The following TRPM3 variants were observed in gnomAD, a reference collection of about 807,000 sequenced individuals.
TRPM3 encodes long transient receptor potential channel 3.
In TRPM3, 77 loss-of-function variants were observed where a neutral mutation model predicts 181.2. The ratio of observed to expected loss-of-function variants is 0.42; its 90% confidence interval spans 0.35 to 0.51. The LOEUF (loss-of-function observed/expected upper bound fraction) is 0.51, where lower values mean the gene tolerates loss of function less well. TRPM3 is among the 20% of genes least tolerant of loss of function. The pLI is 0.01. For missense variants in TRPM3, 1,759 were observed against 2,196.7 expected (o/e 0.80, Z 3.98); for synonymous variants, 745 against 796.4 (o/e 0.94, Z 1.09).
At chr9:71,341,181 G>A (rs2090937353) in intron 1 of TRPM3, among the ~76,000 whole-genome samples, 1 of 152,012 alleles carries the variant, frequency 6.6e-6, no homozygotes, top group Non-Finnish European at 1.5e-5. Context: ...ATTACCAGTG[G>A]GACACCACAG....
chr9:70,994,868 G>A (rs1820555548), intron 1 of TRPM3, among the ~76,000 whole-genome samples: 1 of 152,126 alleles, frequency 6.6e-6, no homozygotes, highest in Admixed American at 6.6e-5. Flanking sequence ...ATTTATCCCT[G>A]CTGATCAACT....
At chr9:70,882,714 G>A (rs2096015627) in intron 1 of TRPM3, among the ~76,000 whole-genome samples, 1 of 152,060 alleles carries the variant, frequency 6.6e-6, no homozygotes, top group Non-Finnish European at 1.5e-5. Context: ...GTTATTTTTA[G>A]CTAGAGCATA....
At chr9:71,239,076 A>C (rs566731538) in intron 1 of TRPM3, among the ~76,000 whole-genome samples, 13 of 152,194 alleles carry the variant, frequency 8.5e-5, no homozygotes, top group South Asian at 2.1e-4. Flanking sequence ...AAGAAGGAAA[A>C]AAACAAACAA....
intron 12 of TRPM3, among the ~76,000 whole-genome samples, chr9:70,628,105 A>G (rs2064995795): frequency 6.6e-6 from 1 of 152,234 alleles, no homozygotes; most frequent in Admixed American, 6.5e-5. Flanking sequence ...GGGCAGGCTA[A>G]CAAGGCCACA....
At chr9:71,410,724 T>C (rs1431802350) in intron 1 of TRPM3, among the ~76,000 whole-genome samples, 10 of 152,038 alleles carry the variant, frequency 6.6e-5, no homozygotes, top group African/African-American at 1.9e-4. Flanking sequence ...TTCCAATCAA[T>C]AGAAAAAGAG....
At chr9:71,251,936 C>T (rs1048178959) in intron 1 of TRPM3, among the ~76,000 whole-genome samples, 2 of 152,138 alleles carry the variant, frequency 1.3e-5, no homozygotes, top group Non-Finnish European at 2.9e-5. Flanking sequence ...TTAGTTCCCA[C>T]AAATAAGTAA....
At chr9:71,434,589 T>G (rs570991305) in intron 1 of TRPM3, among the ~76,000 whole-genome samples, 42 of 152,224 alleles carry the variant, frequency 2.8e-4, no homozygotes, top group Non-Finnish European at 4.8e-4. Flanking sequence ...CCATGAAGTT[T>G]TATAGTTTAA....
intron 1 of TRPM3, among the ~76,000 whole-genome samples, chr9:71,362,687 G>A (rs992074078): frequency 6.6e-6 from 1 of 152,076 alleles, no homozygotes; most frequent in Non-Finnish European, 1.5e-5. Flanking sequence ...CTGAACATAA[G>A]CGATAACAAT....
At chr9:70,878,790 A>G (rs2095922158) in intron 1 of TRPM3, among the ~76,000 whole-genome samples, 1 of 152,066 alleles carries the variant, frequency 6.6e-6, no homozygotes, top group Non-Finnish European at 1.5e-5. Flanking sequence ...AAGCATCAGT[A>G]GCATCTGAGA....
chr9:70,803,245 C>T (rs1443261846), intron 6 of TRPM3, among the ~76,000 whole-genome samples: 3 of 151,892 alleles, frequency 2.0e-5, no homozygotes, highest in Non-Finnish European at 4.4e-5. Flanking sequence ...CTACTTGGCC[C>T]GTCAGTAGCA....
intron 1 of TRPM3, among the ~76,000 whole-genome samples, chr9:70,976,763 C>T (rs1409101823): frequency 6.6e-6 from 1 of 152,104 alleles, no homozygotes; most frequent in Non-Finnish European, 1.5e-5. Flanking sequence ...AAATAATAGT[C>T]CCTATCTCAC....
intron 1 of TRPM3, among the ~76,000 whole-genome samples, chr9:71,420,102 C>A (rs1405010889): frequency 6.6e-6 from 1 of 151,898 alleles, no homozygotes; most frequent in Admixed American, 6.6e-5. Flanking sequence ...CCATTTTAAA[C>A]CTTCTTAAAC....
intron 11 of TRPM3, 22 bp from the exon 12 acceptor site, chr9:70,635,283 C>G: frequency 4.3e-6 from 7 of 1,612,798 alleles, no homozygotes; most frequent in Non-Finnish European, 5.9e-6. Flanking sequence ...AAAGAAGAAT[C>G]AAACAGTTTT....
At chr9:71,311,841 CAAG>C (rs1030050172) in intron 1 of TRPM3, among the ~76,000 whole-genome samples, 1 of 151,834 alleles carries the variant, frequency 6.6e-6, no homozygotes, top group African/African-American at 2.4e-5. Context: ...CACACACACA[CAAG>C]AAAATCTTAT....
intron 25 of TRPM3, among the ~76,000 whole-genome samples, chr9:70,541,553 C>T (rs2043361672): frequency 6.8e-6 from 1 of 147,792 alleles, no homozygotes; most frequent in Admixed American, 6.8e-5. Context: ...CTCTTGTTGC[C>T]CAGGCTGGAG....
intron 1 of TRPM3, among the ~76,000 whole-genome samples, chr9:71,332,055 T>C (rs2090229699): frequency 6.6e-6 from 1 of 150,596 alleles, no homozygotes; most frequent in Admixed American, 6.6e-5. Flanking sequence ...AAACACAGTA[T>C]GGTTAAGGAA....
rs148470448 is a variant in TRPM3 at position 71,011,991 on chromosome 9, C to T, written c.177+109187G>A. ...AGAGATAGGGTTTTGCCATGTTGCC[C>T]AGGTTGGTCTCGAATTCCTGGGCTC... On this transcript the variant is annotated intron_variant, in intron 1 of 25. Transcript: ENST00000677713. 8.5e-3 allele frequency among the ~76,000 whole-genome samples: 1,300 copies of T among 152,054 alleles called. 14 individuals carry two copies. The highest frequency in any genetic ancestry group is 0.029 in the African/African-American group (1,223 of 41,484).
chr9:70,920,812 A>T (rs1437122496), intron 1 of TRPM3, among the ~76,000 whole-genome samples: 1 of 152,258 alleles, frequency 6.6e-6, no homozygotes, highest in Non-Finnish European at 1.5e-5. Context: ...TTAACTGATC[A>T]TAATTTTAAC....
At chr9:71,417,751 T>G (rs2093658691) in intron 1 of TRPM3, among the ~76,000 whole-genome samples, 2 of 151,988 alleles carry the variant, frequency 1.3e-5, no homozygotes, top group South Asian at 2.1e-4. Flanking sequence ...GAAATACTCT[T>G]TCTAATAAAA....
Sources: allele counts gnomAD v4.1 joint callset (sites outside exome capture counted in the v4.1 genomes callset), GRCh38; gene constraint gnomAD v4.1.1; transcripts MANE v1.5; gene names NCBI Gene and HGNC (gene_info 2026-07-23, HGNC 2026-07-21).